AGAP1: variants seen among roughly 807,000 people sequenced by gnomAD.
AGAP1 encodes ArfGAP with GTPase domain, ankyrin repeat and PH domain 1, also known as arf-GAP with GTPase, ANK repeat and PH domain-containing protein 1.
Under a neutral mutation model 105.3 loss-of-function variants are expected in AGAP1, and 29 were observed. The observed-to-expected ratio is 0.28, with a 90% confidence interval of 0.21 to 0.38. The LOEUF (loss-of-function observed/expected upper bound fraction) is 0.38. AGAP1 is among the 10% of genes least tolerant of loss of function. The pLI, the probability that AGAP1 is intolerant of heterozygous loss-of-function variation, is 1.00. For missense variants in AGAP1, 998 were observed against 1,165.1 expected, an observed-to-expected ratio of 0.86 and a Z score of 2.09; for synonymous variants, 509 against 485.9, an observed-to-expected ratio of 1.05 and a Z score of -0.63.
In AGAP1 at chr2:235,927,874, T is replaced by C. The variant is rs183179833; in HGVS notation, c.1325-2891T>C. Among the ~76,000 whole-genome samples the C allele has an allele frequency of 4.6e-5, 7 of 152,340 alleles. No homozygotes were observed. In the East Asian group the frequency reaches 9.6e-4, roughly 21 times the overall value. Reference sequence around the variant, plus strand: ...CAGACAGACACAGTGAAATTCCTTTTTGTTTTTCAGGTATTTGGACCTTGT... The same window carrying C: ...CAGACAGACACAGTGAAATTCCTTTCTGTTTTTCAGGTATTTGGACCTTGT... On this transcript the variant is annotated intron_variant, in intron 11 of 17. Coordinates refer to ENST00000304032, the MANE Select transcript of AGAP1 (RefSeq NM_001037131.3). The surrounding 1 kb of genome is among the most constrained non-coding windows in gnomAD (Gnocchi z 4.4).
intron 12 of AGAP1, among the ~76,000 whole-genome samples, chr2:235,956,099 C>A (rs548577901): frequency 7.2e-5 from 11 of 152,318 alleles, no homozygotes; most frequent in African/African-American, 2.4e-4. Flanking sequence ...TGCTCACCCT[C>A]ACACGTGAAA....
chr2:236,011,144 T>G (rs1385246381), intron 13 of AGAP1, among the ~76,000 whole-genome samples: 1 of 152,250 alleles, frequency 6.6e-6, no homozygotes, highest in Non-Finnish European at 1.5e-5. Context: ...TTCCCTTGTT[T>G]GACCTCTTGC....
chr2:235,900,443 C>T lies in AGAP1; in HGVS notation c.1156-8295C>T, dbSNP rs138556835. On this transcript the variant is annotated intron_variant, in intron 10 of 17. Transcript: ENST00000304032. This position sits in a 1 kb window ranked among gnomAD's most constrained non-coding sequence, Gnocchi z 5.5. ...AACTAAGACCCCTAGGCCAGCAGAA[C>T]GTAATGTTGTGGGAACAGGAAGCAA... 9.3e-3 allele frequency among the ~76,000 whole-genome samples: 1,410 copies of T among 151,798 alleles called. 8 individuals carry two copies. Among genetic ancestry groups the T allele is most frequent in the Middle Eastern group, 0.024 (7 of 294 alleles).
At chr2:235,876,312 A>T (rs1294161430) in intron 9 of AGAP1, among the ~76,000 whole-genome samples, 1 of 152,234 alleles carries the variant, frequency 6.6e-6, no homozygotes, top group Non-Finnish European at 1.5e-5. Context: ...GATTTTAATG[A>T]TTCTCAGGAA....
chr2:235,849,689 A>G (rs1466673946), intron 9 of AGAP1, among the ~76,000 whole-genome samples: 5 of 152,182 alleles, frequency 3.3e-5, no homozygotes, highest in Non-Finnish European at 7.3e-5. Context: ...TGGAGTGTCC[A>G]GCCTCACCCA....
chr2:235,798,952 C>A (rs1423881978), intron 7 of AGAP1, among the ~76,000 whole-genome samples: 3 of 147,238 alleles, frequency 2.0e-5, no homozygotes, highest in Non-Finnish European at 4.5e-5. Flanking sequence ...TTTTCAAAAA[C>A]ACTTAGATTT....
At position 235,663,935 on chromosome 2, in the gene AGAP1, G is replaced by T. The variant is rs904433596; in HGVS notation, c.164-45244G>T. Among the ~76,000 whole-genome samples, 1 of 152,074 alleles carries T rather than the reference G, an allele frequency of 6.6e-6. No individual in the cohort carries two copies. The highest frequency in any genetic ancestry group is 6.5e-5 in the Admixed American group (1 of 15,278). On this transcript the variant is annotated intron_variant, in intron 1 of 17. Transcript: ENST00000304032. This position sits in a 1 kb window ranked among gnomAD's most constrained non-coding sequence, Gnocchi z 5.4. ...TTAGATAATGTGTAGGGATTTCTTGGTTTTTCTGCACAAAAGCTCCAGGGC... is the reference window on the plus strand; with the variant it reads ...TTAGATAATGTGTAGGGATTTCTTGTTTTTTCTGCACAAAAGCTCCAGGGC...
At chr2:235,756,397 C>T (rs539271587) in intron 6 of AGAP1, among the ~76,000 whole-genome samples, 14 of 152,102 alleles carry the variant, frequency 9.2e-5, no homozygotes, top group African/African-American at 3.4e-4. Context: ...AGCTGTATGG[C>T]ATGTGGGATT....
chr2:235,634,552 G>C (rs1041548149), intron 1 of AGAP1, among the ~76,000 whole-genome samples: 11 of 152,264 alleles, frequency 7.2e-5, no homozygotes, highest in Non-Finnish European at 1.5e-4. Context: ...TCTCTAATCA[G>C]TTCAGCCACC....
intron 1 of AGAP1, among the ~76,000 whole-genome samples, chr2:235,563,599 G>C (rs1288160082): frequency 7.6e-6 from 1 of 132,406 alleles, no homozygotes; most frequent in East Asian, 2.7e-4. Flanking sequence ...GGCGGGGGGT[G>C]GGGGGACTTG....
chr2:235,529,340 A>T (rs891453686), intron 1 of AGAP1, among the ~76,000 whole-genome samples: 3 of 152,222 alleles, frequency 2.0e-5, no homozygotes, highest in African/African-American at 7.2e-5. Flanking sequence ...TCTTATGTAC[A>T]TTGGTGACCT....
rs1185583912 is a variant in AGAP1 at position 235,705,978 on chromosome 2, A to G, written c.164-3201A>G. The stretch of plus-strand genomic sequence containing the variant: ...TAGAGCTCATTTTAATTCACAGTTT[A>G]CCCTCTTTGTTTTACTATTAAAGTT... On this transcript the variant is annotated intron_variant, in intron 1 of 17. Coordinates refer to ENST00000304032, the MANE Select transcript of AGAP1 (RefSeq NM_001037131.3). The surrounding 1 kb of genome is among the most constrained non-coding windows in gnomAD (Gnocchi z 4.9). Among the ~76,000 whole-genome samples the G allele has an allele frequency of 6.6e-6, 1 of 152,122 alleles. No homozygotes were observed. Among genetic ancestry groups the G allele is most frequent in the African/African-American group, 2.4e-5 (1 of 41,420 alleles).
chr2:235,658,099 A>G (rs1947832887), intron 1 of AGAP1, among the ~76,000 whole-genome samples: 1 of 152,236 alleles, frequency 6.6e-6, no homozygotes. Flanking sequence ...AAACTCGTAC[A>G]GTGATGGCTT....
At chr2:235,707,868 T>TGCTCCCCAGCATGTGACCTGGTGAGATGC (rs1233304459) in intron 1 of AGAP1, among the ~76,000 whole-genome samples, 3 of 149,476 alleles carry the variant, frequency 2.0e-5, no homozygotes, top group African/African-American at 5.0e-5. Context: ...TGGTAGGACA[T>TGCTCCCCAGCATGTGACCTGGTGAGATGC]GCTCCCCAGC....
chr2:235,790,994 C>T (rs1181620088), intron 6 of AGAP1, among the ~76,000 whole-genome samples: 2 of 152,200 alleles, frequency 1.3e-5, no homozygotes, highest in Non-Finnish European at 2.9e-5. Flanking sequence ...AGCCAGAAAA[C>T]CCAAGAGACC....
chr2:235,774,356 A>G (rs1258115948), intron 6 of AGAP1: 1 of 470,788 alleles, frequency 2.1e-6, no homozygotes, highest in Admixed American at 2.3e-5. Context: ...AGGGAGTTCC[A>G]TGACTCACCC....
At chr2:235,868,498 T>A (rs540742550) in intron 9 of AGAP1, among the ~76,000 whole-genome samples, 1 of 152,184 alleles carries the variant, frequency 6.6e-6, no homozygotes, top group Non-Finnish European at 1.5e-5. Flanking sequence ...GTTGAGACTG[T>A]TGCTCCATCA....
At chr2:236,054,866 G>A (rs1383121115) in intron 16 of AGAP1, among the ~76,000 whole-genome samples, 4 of 152,176 alleles carry the variant, frequency 2.6e-5, no homozygotes, top group Middle Eastern at 3.4e-3. Flanking sequence ...CGCCACTGCC[G>A]GGCCCGGGCC....
In AGAP1 at chr2:235,960,568, T is replaced by A. The variant is rs140687674; in HGVS notation, c.1484-7894T>A. ...CACTTCTCCCTGCACCTGTGGCCCC[T>A]GCTATCGGCGTGCTTACTGGAGATG... On this transcript the variant is annotated intron_variant, in intron 12 of 17. Transcript: ENST00000304032. This position sits in a 1 kb window ranked among gnomAD's most constrained non-coding sequence, Gnocchi z 4.9. Among the ~76,000 whole-genome samples the A allele has an allele frequency of 4.6e-3, 696 of 152,300 alleles. 8 individuals carry two copies. Among genetic ancestry groups the A allele is most frequent in the African/African-American group, 0.016 (676 of 41,568 alleles).
Sources: gnomAD v4.1 joint callset for allele counts (sites outside exome capture counted in the v4.1 genomes callset) on GRCh38, gnomAD v4.1.1 for gene constraint, Gnocchi (gnomAD v3.1) non-coding constraint, MANE v1.5 for transcripts, NCBI Gene and HGNC (gene_info 2026-07-23, HGNC 2026-07-21) for gene names.